The following DYNC2I2 variants were observed in gnomAD, a reference collection of about 807,000 sequenced individuals.
The protein encoded by DYNC2I2 is cytoplasmic dynein 2 intermediate chain 2.
DYNC2I2 carries 39 observed loss-of-function variants against 52.0 expected under a neutral mutation model. The ratio of observed to expected loss-of-function variants is 0.75; its 90% CI spans 0.58 to 0.98. The LOEUF (loss-of-function observed/expected upper bound fraction) is 0.98, where lower values mean the gene tolerates loss of function less well. Among genes scored for constraint, DYNC2I2 ranks in the 50% least tolerant of loss-of-function variants. The pLI is 0.00. For synonymous variants in DYNC2I2, 359 were observed against 321.1 expected (o/e 1.12, Z -1.26); for missense variants, 743 against 728.4 (o/e 1.02, Z -0.23).
intron 1 of DYNC2I2, among the ~76,000 whole-genome samples, chr9:128,641,591 A>T (rs952053713): frequency 6.6e-6 from 1 of 152,120 alleles, no homozygotes; most frequent in African/African-American, 2.4e-5. Flanking sequence ...AGACATGCCC[A>T]ATCTTCACCA....
At chr9:128,648,538 G>C (rs113009217) in intron 1 of DYNC2I2, among the ~76,000 whole-genome samples, 1,503 of 147,254 alleles carry the variant, frequency 0.01, 22 homozygotes, top group East Asian at 0.041. Context: ...GTAATCCTAG[G>C]CCTTTGGGAG....
the DYNC2I2 span, among the ~76,000 whole-genome samples, chr9:128,669,643 G>A: frequency 6.6e-6 from 1 of 152,152 alleles, no homozygotes; most frequent in African/African-American, 2.4e-5. Flanking sequence ...GTTGCGGTGA[G>A]CCGACATCGC....
At chr9:128,672,256 C>T in the DYNC2I2 span, among the ~76,000 whole-genome samples, 1 of 151,968 alleles carries the variant, frequency 6.6e-6, no homozygotes, top group South Asian at 2.1e-4. Flanking sequence ...AGGTGTGAGC[C>T]ACCGCGCCCG....
the DYNC2I2 span, among the ~76,000 whole-genome samples, chr9:128,661,854 C>A: frequency 6.6e-6 from 1 of 151,856 alleles, no homozygotes; most frequent in Non-Finnish European, 1.5e-5. Context: ...CCAGCCTAGC[C>A]AACATGGTGA....
chr9:128,682,377 A>C, the DYNC2I2 span, among the ~76,000 whole-genome samples: 6 of 151,956 alleles, frequency 3.9e-5, no homozygotes, highest in Admixed American at 6.6e-5. Context: ...TAAATAAATA[A>C]ATAGTAAAAA....
At chr9:128,665,717 C>A in the DYNC2I2 span, among the ~76,000 whole-genome samples, 1 of 148,454 alleles carries the variant, frequency 6.7e-6, no homozygotes. Flanking sequence ...TTGCAGTGAG[C>A]CGAGATTGCA....
Position 128,635,372 on chromosome 9 carries a change from C to A in DYNC2I2, c.814-113G>T, listed in dbSNP as rs911626128. 5.9e-6 allele frequency: 8 copies of A among 1,354,084 alleles called. No homozygotes were observed. In the African/African-American group the frequency reaches 7.3e-5, roughly 12 times the overall value. The allele number at this position is 1,354,084 out of a possible 1,614,324, so 83.9% of individuals were successfully genotyped here. A position where few individuals can be genotyped will look rare whatever the true frequency, so the allele number is the denominator to read the frequency against. On this transcript the variant is annotated intron_variant, in intron 5 of 8. Coordinates refer to ENST00000372715, the MANE Select transcript of DYNC2I2 (RefSeq NM_052844.4). The stretch of plus-strand genomic sequence containing the variant: ...GAAAAAAAAAAATTCTCCGGGAGGC[C>A]CCAGAACCAGGCTCACCCACCAGGG...
rs747805961 is a variant in DYNC2I2 at position 128,656,766 on chromosome 9, C to T, written c.-40G>A. The T allele has an allele frequency of 1.5e-5, 20 of 1,319,078 alleles. No individual in the cohort carries two copies. The highest frequency in any genetic ancestry group is 1.2e-5 in the Non-Finnish European group (12 of 1,033,162). The allele number at this position is 1,319,078 out of a possible 1,614,324, so 81.7% of individuals were successfully genotyped here. On this transcript the variant is annotated 5_prime_UTR_variant, in exon 1 of 9. Coordinates refer to ENST00000372715, the MANE Select transcript of DYNC2I2 (RefSeq NM_052844.4). ...CCTCTCGTGCGGACGCACTCAGGCG[C>T]GACCTCCGCCCCTACGCCGCCATGA...
chr9:128,674,668 A>G, the DYNC2I2 span, among the ~76,000 whole-genome samples: 1 of 152,120 alleles, frequency 6.6e-6, no homozygotes, highest in Non-Finnish European at 1.5e-5. Flanking sequence ...GCGTGAACCC[A>G]GGAGATGGAG....
upstream of DYNC2I2, among the ~76,000 whole-genome samples, chr9:128,657,887 T>G (rs1860862571): frequency 6.6e-6 from 1 of 152,038 alleles, no homozygotes; most frequent in Non-Finnish European, 1.5e-5. Context: ...CCCAGGAGTT[T>G]GAGACCTGCC....
At chr9:128,652,844 G>A (rs1361921622) in intron 1 of DYNC2I2, among the ~76,000 whole-genome samples, 11 of 150,766 alleles carry the variant, frequency 7.3e-5, no homozygotes, top group African/African-American at 2.5e-4. Context: ...CTTGAACCCG[G>A]GAGGCGGAGG....
the DYNC2I2 span, among the ~76,000 whole-genome samples, chr9:128,680,084 G>C: frequency 1.3e-5 from 2 of 151,236 alleles, no homozygotes; most frequent in African/African-American, 4.9e-5. Context: ...TTTTGAGACA[G>C]AGTTTCACTC....
At chr9:128,643,019 G>A (rs1422642783) in intron 1 of DYNC2I2, among the ~76,000 whole-genome samples, 1 of 151,972 alleles carries the variant, frequency 6.6e-6, no homozygotes, top group Non-Finnish European at 1.5e-5. Flanking sequence ...GAGCTGAGAT[G>A]TGAAGGACAT....
At chr9:128,667,610 A>T in the DYNC2I2 span, among the ~76,000 whole-genome samples, 32 of 138,688 alleles carry the variant, frequency 2.3e-4, no homozygotes, top group African/African-American at 9.0e-4. Context: ...TCGCTCTGAC[A>T]CCAGGCTGGA....
chr9:128,640,577 G>T, intron 2 of DYNC2I2, 114 bp downstream of exon 2: 5 of 1,496,406 alleles, frequency 3.3e-6, no homozygotes, highest in Non-Finnish European at 4.5e-6. Context: ...TTAGAGCCTG[G>T]TGATTGCTGG....
At chr9:128,679,556 C>T in the DYNC2I2 span, among the ~76,000 whole-genome samples, 7 of 152,070 alleles carry the variant, frequency 4.6e-5, no homozygotes, top group South Asian at 2.1e-4. Flanking sequence ...CTATACCTCC[C>T]GGGCTCAAGC....
intron 4 of DYNC2I2, chr9:128,636,063 C>G (rs1860403316): frequency 1.2e-6 from 1 of 817,728 alleles, no homozygotes; most frequent in Non-Finnish European, 2.1e-6. Flanking sequence ...CCACAGCCCC[C>G]TGTCCTGGCC....
chr9:128,638,515 C>CAAAA (rs34556335), intron 2 of DYNC2I2, among the ~76,000 whole-genome samples: 1 of 135,482 alleles, frequency 7.4e-6, no homozygotes. Flanking sequence ...GACTCCATCT[C>CAAAA]AAAAAAAAAA....
At chr9:128,683,104 C>G in the DYNC2I2 span, among the ~76,000 whole-genome samples, 1 of 151,926 alleles carries the variant, frequency 6.6e-6, no homozygotes, top group Admixed American at 6.6e-5. Context: ...AAGCGATTCT[C>G]CTGCCTCAGC....
Sources: allele counts gnomAD v4.1 joint callset (sites outside exome capture counted in the v4.1 genomes callset), GRCh38; gene constraint gnomAD v4.1.1; transcripts MANE v1.5; gene names NCBI Gene and HGNC (gene_info 2026-07-23, HGNC 2026-07-21).